Variants in ADAMTS12 observed in about 807,000 individuals in gnomAD.
ADAMTS12 encodes the protein A disintegrin and metalloproteinase with thrombospondin motifs 12.
In ADAMTS12, 118 loss-of-function variants were observed where a neutral mutation model predicts 167.8. That is an observed-to-expected ratio of 0.70 (90% CI 0.61 to 0.82). The LOEUF (loss-of-function observed/expected upper bound fraction) is 0.82. Among genes scored for constraint, ADAMTS12 ranks in the 40% least tolerant of loss-of-function variants. The pLI, the probability that ADAMTS12 is intolerant of heterozygous loss-of-function variation, is 0.00. For missense variants in ADAMTS12, 1,916 were observed against 1,998.8 expected (o/e 0.96, Z 0.79); for synonymous variants, 704 against 716.9 (o/e 0.98, Z 0.29).
intron 11 of ADAMTS12, among the ~76,000 whole-genome samples, chr5:33,640,986 T>C (rs1015773896): frequency 6.6e-6 from 1 of 151,786 alleles, no homozygotes; most frequent in Non-Finnish European, 1.5e-5. Flanking sequence ...TGCTCGCCTT[T>C]TAAAAAATGT....
intron 2 of ADAMTS12, among the ~76,000 whole-genome samples, chr5:33,791,075 G>A (rs1282653350): frequency 1.3e-5 from 2 of 152,088 alleles, no homozygotes; most frequent in African/African-American, 4.8e-5. Flanking sequence ...AGGAGATGGA[G>A]GACAAGGCCT....
At chr5:33,638,870 G>C (rs1182139698) in intron 11 of ADAMTS12, among the ~76,000 whole-genome samples, 1 of 152,108 alleles carries the variant, frequency 6.6e-6, no homozygotes, top group Non-Finnish European at 1.5e-5. Context: ...CTTCCTGTCA[G>C]GATCAATGGG....
chr5:33,741,059 C>A (rs546961768), intron 3 of ADAMTS12, among the ~76,000 whole-genome samples: 2 of 152,356 alleles, frequency 1.3e-5, no homozygotes, highest in Non-Finnish European at 2.9e-5. Context: ...CAGTCCCATG[C>A]AGCCAGCCCT....
intron 22 of ADAMTS12, among the ~76,000 whole-genome samples, chr5:33,536,573 T>C (rs1028571974): frequency 1.3e-5 from 2 of 152,184 alleles, no homozygotes; most frequent in African/African-American, 4.8e-5. Context: ...AATCCATAGC[T>C]TGTGTAGTTT....
chr5:33,853,225 C>G (rs1460697798), intron 2 of ADAMTS12, among the ~76,000 whole-genome samples: 1 of 152,216 alleles, frequency 6.6e-6, no homozygotes, highest in Non-Finnish European at 1.5e-5. Flanking sequence ...TTGACCTAAA[C>G]TTAGAATCAA....
chr5:33,582,063 A>T (rs922230997), intron 18 of ADAMTS12, among the ~76,000 whole-genome samples: 4 of 152,196 alleles, frequency 2.6e-5, no homozygotes, highest in East Asian at 3.8e-4. Flanking sequence ...ATGTGAGACA[A>T]CAAATTCCTG....
At chr5:33,652,713 G>A (rs1740910109) in intron 7 of ADAMTS12, among the ~76,000 whole-genome samples, 1 of 151,904 alleles carries the variant, frequency 6.6e-6, no homozygotes, top group South Asian at 2.1e-4. Context: ...TGGACCAAAA[G>A]AGTTTCTTTC....
At chr5:33,759,638 T>A (rs1195911915) in intron 2 of ADAMTS12, among the ~76,000 whole-genome samples, 1 of 152,224 alleles carries the variant, frequency 6.6e-6, no homozygotes, top group Non-Finnish European at 1.5e-5. Context: ...TATCCTGAAG[T>A]ATGGTTAACA....
At chr5:33,655,317 T>C (rs1041030869) in intron 7 of ADAMTS12, among the ~76,000 whole-genome samples, 123 of 152,172 alleles carry the variant, frequency 8.1e-4, no homozygotes, top group Middle Eastern at 3.4e-3. Context: ...ATCAAGGAAT[T>C]ATTAATAACA....
chr5:33,642,039 A>G (rs1329544861), intron 10 of ADAMTS12, 84 bp from the exon 11 acceptor site: 32 of 1,348,132 alleles, frequency 2.4e-5, no homozygotes, highest in Non-Finnish European at 2.9e-5. Flanking sequence ...GTCTAAACCC[A>G]ATTCTCTGCA....
intron 13 of ADAMTS12, among the ~76,000 whole-genome samples, chr5:33,626,840 G>GA: frequency 6.6e-6 from 1 of 151,052 alleles, no homozygotes; most frequent in Middle Eastern, 3.5e-3. Flanking sequence ...TGGTGGTGAT[G>GA]TGGTAATGGT....
At chr5:33,679,090 G>A (rs558221684) in intron 5 of ADAMTS12, among the ~76,000 whole-genome samples, 1 of 152,302 alleles carries the variant, frequency 6.6e-6, no homozygotes, top group East Asian at 1.9e-4. Flanking sequence ...AAGTAGGCAG[G>A]TTTTGATTGG....
chr5:33,649,732 C>T, intron 7 of ADAMTS12, 35 bp from the exon 8 acceptor site: 1 of 1,608,730 alleles, frequency 6.2e-7, no homozygotes, highest in Non-Finnish European at 8.5e-7. Context: ...GAAGAGCCAG[C>T]AGGCAGGCAT....
chr5:33,668,691 C>T (rs142494784), intron 5 of ADAMTS12, among the ~76,000 whole-genome samples: 5 of 152,286 alleles, frequency 3.3e-5, no homozygotes, highest in African/African-American at 1.2e-4. Context: ...ACCATGTTGG[C>T]CAGGCTGATC....
At chr5:33,531,169 G>C (rs1343419144) in intron 23 of ADAMTS12, among the ~76,000 whole-genome samples, 1 of 152,222 alleles carries the variant, frequency 6.6e-6, no homozygotes, top group African/African-American at 2.4e-5. Flanking sequence ...AGGAATGCCA[G>C]TGATGGCCGG....
chr5:33,791,476 T>G (rs910503265), intron 2 of ADAMTS12, among the ~76,000 whole-genome samples: 1 of 152,182 alleles, frequency 6.6e-6, no homozygotes, highest in Non-Finnish European at 1.5e-5. Context: ...AAAATTTTTT[T>G]TAACAAAAAC....
At chr5:33,793,498 T>C (rs1451235535) in intron 2 of ADAMTS12, among the ~76,000 whole-genome samples, 1 of 152,266 alleles carries the variant, frequency 6.6e-6, no homozygotes, top group Non-Finnish European at 1.5e-5. Context: ...TCTTAAAATC[T>C]GGATGGGCTA....
chr5:33,804,576 T>C (rs59360363), intron 2 of ADAMTS12, among the ~76,000 whole-genome samples: 6,527 of 152,204 alleles, frequency 0.043, 478 homozygotes, highest in African/African-American at 0.15. Flanking sequence ...CCCCAACACG[T>C]GCTGAAAGGT....
chr5:33,780,526 G>T (rs1746087933), intron 2 of ADAMTS12, among the ~76,000 whole-genome samples: 1 of 152,156 alleles, frequency 6.6e-6, no homozygotes, highest in African/African-American at 2.4e-5. Context: ...GGTGGTTACA[G>T]AGATTGGAAG....
Sources: gnomAD v4.1 joint callset for allele counts (sites outside exome capture counted in the v4.1 genomes callset) on GRCh38, gnomAD v4.1.1 for gene constraint, MANE v1.5 for transcripts, NCBI Gene and HGNC (gene_info 2026-07-23, HGNC 2026-07-21) for gene names.